Variants in DNAH11 observed in about 807,000 individuals in gnomAD.
The protein encoded by DNAH11 is dynein axonemal heavy chain 11.
A neutral mutation model predicts 526.0 loss-of-function variants in DNAH11; 442 were observed. That is an observed-to-expected ratio of 0.84 (90% CI 0.78 to 0.91). DNAH11 has a LOEUF of 0.91. Ranked by LOEUF, DNAH11 falls within the 40% of genes least tolerant of loss-of-function variation. DNAH11 has a pLI of 0.00. For missense variants in DNAH11, 6,989 were observed against 5,448.7 expected, an observed-to-expected ratio of 1.28 and a Z score of -8.90; for synonymous variants, 2,461 against 1,935.9, an observed-to-expected ratio of 1.27 and a Z score of -7.12.
intron 35 of DNAH11, among the ~76,000 whole-genome samples, chr7:21,696,060 G>T (rs1198796079): frequency 6.6e-6 from 1 of 152,126 alleles, no homozygotes. Flanking sequence ...TTGATGATAA[G>T]CTAGAGGATT....
intron 54 of DNAH11, among the ~76,000 whole-genome samples, chr7:21,753,387 TATG>T (rs2128493873): frequency 6.6e-6 from 1 of 152,332 alleles, no homozygotes; most frequent in South Asian, 2.1e-4. Context: ...ACATTGCCTT[TATG>T]AGTACAATTT....
intron 35 of DNAH11, among the ~76,000 whole-genome samples, chr7:21,693,224 G>T (rs185524815): frequency 2.0e-5 from 3 of 152,010 alleles, no homozygotes; most frequent in African/African-American, 4.8e-5. Context: ...TATAGTTTTC[G>T]TATGGGTTTT....
intron 25 of DNAH11, among the ~76,000 whole-genome samples, chr7:21,635,003 T>A (rs1383741698): frequency 6.6e-6 from 1 of 152,172 alleles, no homozygotes; most frequent in Non-Finnish European, 1.5e-5. Context: ...TAGCATTCTT[T>A]TCAAAATAAA....
chr7:21,655,678 C>T (rs1372343352), intron 28 of DNAH11, among the ~76,000 whole-genome samples, 154 bp from the exon 29 acceptor site: 3 of 152,168 alleles, frequency 2.0e-5, no homozygotes, highest in African/African-American at 2.4e-5. Flanking sequence ...TTCAAGCTCT[C>T]ATATTTTAGA....
intron 38 of DNAH11, 55 bp from the exon 39 acceptor site, chr7:21,705,405 T>C: frequency 6.3e-7 from 1 of 1,587,152 alleles, no homozygotes; most frequent in Non-Finnish European, 8.6e-7. Flanking sequence ...TGGTAGATTA[T>C]CTTTTTGTCA....
chr7:21,608,573 C>T (rs1785394091), intron 20 of DNAH11, among the ~76,000 whole-genome samples: 1 of 152,118 alleles, frequency 6.6e-6, no homozygotes, highest in Admixed American at 6.6e-5. Context: ...CATCATGTTG[C>T]CTCTTTCACT....
chr7:21,640,518 T>A (rs1231046056), intron 28 of DNAH11, among the ~76,000 whole-genome samples: 1 of 151,560 alleles, frequency 6.6e-6, no homozygotes, highest in Non-Finnish European at 1.5e-5. Flanking sequence ...CTTTTTCTTT[T>A]AATCATATTA....
Position 21,901,375 on chromosome 7 carries a change from T to G in DNAH11, c.*121T>G. 1 of 1,325,110 alleles carries G rather than the reference T, an allele frequency of 7.5e-7. No individual in the cohort carries two copies. Among genetic ancestry groups the G allele is most frequent in the African/African-American group, 1.5e-5 (1 of 67,626 alleles). The allele number at this position is 1,325,110 out of a possible 1,614,324, so 82.1% of individuals were successfully genotyped here. A position where few individuals can be genotyped will look rare whatever the true frequency, so the allele number is the denominator to read the frequency against. On this transcript the variant is annotated 3_prime_UTR_variant, in exon 82 of 82. Transcript: ENST00000409508. ...AGTAACTCACACGTGCATTCTTTTT[T>G]CAACGCTATCCTTAGAGTGAAAGTC...
chr7:21,888,478 A>T (rs185750193), intron 76 of DNAH11, among the ~76,000 whole-genome samples: 120 of 152,070 alleles, frequency 7.9e-4, no homozygotes, highest in African/African-American at 2.7e-3. Flanking sequence ...TTCAACAAAG[A>T]TGATTTCAAT....
chr7:21,764,599 G>T (rs1787089104), intron 54 of DNAH11, among the ~76,000 whole-genome samples: 1 of 152,098 alleles, frequency 6.6e-6, no homozygotes, highest in Non-Finnish European at 1.5e-5. Context: ...CTTTGTTTTA[G>T]CACTTTACAC....
intron 65 of DNAH11, among the ~76,000 whole-genome samples, chr7:21,831,974 C>T (rs1311760803): frequency 6.6e-6 from 1 of 151,986 alleles, no homozygotes; most frequent in Non-Finnish European, 1.5e-5. Flanking sequence ...CCTGTAGTCC[C>T]AGCTACTCGG....
chr7:21,842,790 G>T, intron 66 of DNAH11, 42 bp downstream of exon 66: 1 of 1,517,292 alleles, frequency 6.6e-7, no homozygotes, highest in South Asian at 1.3e-5. Context: ...GTCGGCATTT[G>T]CTTTGCACAA....
At chr7:21,762,419 T>C (rs1786963348) in intron 54 of DNAH11, among the ~76,000 whole-genome samples, 1 of 152,204 alleles carries the variant, frequency 6.6e-6, no homozygotes, top group African/African-American at 2.4e-5. Context: ...TCCTCTGCCT[T>C]TGCTAACATT....
At chr7:21,841,309 T>C (rs1782195253) in intron 65 of DNAH11, among the ~76,000 whole-genome samples, 1 of 152,196 alleles carries the variant, frequency 6.6e-6, no homozygotes, top group African/African-American at 2.4e-5. Flanking sequence ...TACATATATA[T>C]ACAGATATAC....
At chr7:21,758,256 T>A (rs531702568) in intron 54 of DNAH11, among the ~76,000 whole-genome samples, 1 of 152,336 alleles carries the variant, frequency 6.6e-6, no homozygotes, top group African/African-American at 2.4e-5. Context: ...ATAAGTAGAA[T>A]GAAAAGAACT....
intron 2 of DNAH11, among the ~76,000 whole-genome samples, chr7:21,557,012 G>A (rs1034129174): frequency 4.0e-5 from 6 of 151,542 alleles, no homozygotes; most frequent in African/African-American, 1.2e-4. Context: ...GGAGTGACCC[G>A]AGATCTTGCC....
intron 65 of DNAH11, among the ~76,000 whole-genome samples, chr7:21,834,213 C>G (rs1055192899): frequency 5.3e-5 from 8 of 152,000 alleles, no homozygotes; most frequent in Admixed American, 5.2e-4. Flanking sequence ...ACTTTGGAAA[C>G]TATACAAATA....
intron 25 of DNAH11, among the ~76,000 whole-genome samples, chr7:21,620,668 C>G (rs1177387655): frequency 6.7e-6 from 1 of 150,286 alleles, no homozygotes; most frequent in African/African-American, 2.4e-5. Context: ...CACCCATTAA[C>G]TCGTCATTTA....
At chr7:21,606,335 A>G (rs2128448851) in intron 18 of DNAH11, 91 bp from the exon 19 acceptor site, 1 of 1,127,874 alleles carries the variant, frequency 8.9e-7, no homozygotes, top group Non-Finnish European at 1.3e-6. Flanking sequence ...GAGAAAAAAA[A>G]AAAAGAAAGA....
Sources: allele counts gnomAD v4.1 joint callset (sites outside exome capture counted in the v4.1 genomes callset), GRCh38; gene constraint gnomAD v4.1.1; transcripts MANE v1.5; gene names NCBI Gene and HGNC (gene_info 2026-07-23, HGNC 2026-07-21).